The following ADM2 variants were observed in gnomAD, a reference collection of about 807,000 sequenced individuals.
ADM2 encodes adrenomedullin 2.
Under a neutral mutation model 7.1 loss-of-function variants are expected in ADM2, and 5 were observed. That is an observed-to-expected ratio of 0.71 (90% CI 0.37 to 1.49). ADM2 has a LOEUF of 1.49. ADM2 is among the 40% of genes most tolerant of loss of function. The pLI, the probability that ADM2 is intolerant of heterozygous loss-of-function variation, is 0.03. For synonymous variants in ADM2, 123 were observed against 92.8 expected (o/e 1.33, Z -1.87); for missense variants, 236 against 211.2 (o/e 1.12, Z -0.73).
rs1416394890 is a variant in ADM2 at position 50,483,226 on chromosome 22, A to C, written c.*323A>C. The C allele has an allele frequency of 3.5e-6, 2 of 569,712 alleles. No individual in the cohort carries two copies. Among genetic ancestry groups the C allele is most frequent in the Admixed American group, 4.4e-5 (2 of 45,786 alleles). 35.3% of individuals were successfully genotyped at this position (569,712 alleles called of 1,614,324 possible). A position where few individuals can be genotyped will look rare whatever the true frequency, so the allele number is the denominator to read the frequency against. On this transcript the variant is annotated 3_prime_UTR_variant, in exon 3 of 3. Coordinates refer to ENST00000395737, the MANE Select transcript of ADM2 (RefSeq NM_001253845.2). ...GGAGCAGAAGCTGGGCCCTGAACAC[A>C]CGGGGCCATGTCTGGACGAGCAGGG...
chr22:50,482,878 C>T lies in ADM2; in HGVS notation c.422C>T (p.Pro141Leu). ...CGGCAGGACTCAGCTCCTGTGGACC[C>T]CAGCAGCCCCCACAGCTATGGCTGA... is the stretch of plus-strand genomic sequence containing the variant. ...AGRQDSAPVD[P>L]SSPHSYG The change falls in exon 3 of 3, where the codon CCC (proline) becomes CTC (leucine). Residue 141 changes from proline (P) to leucine (L), a missense_variant. Coordinates refer to ENST00000395737, the MANE Select transcript of ADM2 (RefSeq NM_001253845.2). 1 of 1,602,138 alleles carries T rather than the reference C, an allele frequency of 6.2e-7. No individual in the cohort carries two copies. The highest frequency in any genetic ancestry group is 8.5e-7 in the Non-Finnish European group (1 of 1,178,008).
rs1014713369 is a variant in ADM2, at chr22:50,481,815, C to G, written c.-11-22C>G. 6 of 1,434,930 alleles carry G rather than the reference C, an allele frequency of 4.2e-6. No homozygotes were observed. The African/African-American group carries it at 9.0e-5, about 21-fold the overall frequency. The allele number at this position is 1,434,930 out of a possible 1,614,324, so 88.9% of individuals were successfully genotyped here. A position where few individuals can be genotyped will look rare whatever the true frequency, so the allele number is the denominator to read the frequency against. On this transcript the variant is annotated intron_variant, in intron 1 of 2. Coordinates refer to ENST00000395737, the MANE Select transcript of ADM2 (RefSeq NM_001253845.2). ...CTCAGGCTGCCCCCGACGTGCCCGG[C>G]TCACCGCCCCCTCCCCTGCAGCCCC... is the stretch of plus-strand genomic sequence containing the variant.
rs769476494 is a variant in ADM2, at chr22:50,483,049, C to G, written c.*146C>G. The G allele has an allele frequency of 6.7e-6, 9 of 1,342,574 alleles. No homozygotes were observed. The highest frequency in any genetic ancestry group is 3.6e-4 in the Middle Eastern group (2 of 5,632). The allele number at this position is 1,342,574 out of a possible 1,614,324, so 83.2% of individuals were successfully genotyped here. ...AACAATACCTGCACGGCTTTGCACA[C>G]GTAAACCTAGGCTGGTCTACACGCA... is the stretch of plus-strand genomic sequence containing the variant. On this transcript the variant is annotated 3_prime_UTR_variant, in exon 3 of 3. Coordinates refer to ENST00000395737, the MANE Select transcript of ADM2 (RefSeq NM_001253845.2).
chr22:50,481,625 G>A lies in ADM2; in HGVS notation c.-150G>A, dbSNP rs370122056. 13 of 212,652 alleles carry A rather than the reference G, an allele frequency of 6.1e-5. No homozygotes were observed. The East Asian group carries it at 8.6e-4, about 14-fold the overall frequency. 13.2% of individuals were successfully genotyped at this position (212,652 alleles called of 1,614,324 possible). On this transcript the variant is annotated 5_prime_UTR_variant, in exon 1 of 3. Coordinates refer to ENST00000395737, the MANE Select transcript of ADM2 (RefSeq NM_001253845.2). ...GCAGGACCCCCAACCCGCCCAGCCC[G>A]CTCCGCCTTGCGCCCCGGACCCGCG...
At position 50,481,828 on chromosome 22, in the gene ADM2, C is replaced by G; in HGVS notation, c.-11-9C>G. 1 of 1,475,176 alleles carries G rather than the reference C, an allele frequency of 6.8e-7. No individual in the cohort carries two copies. Among genetic ancestry groups the G allele is most frequent in the Non-Finnish European group, 8.9e-7 (1 of 1,117,502 alleles). 91.4% of individuals were successfully genotyped at this position (1,475,176 alleles called of 1,614,324 possible). A position where few individuals can be genotyped will look rare whatever the true frequency, so the allele number is the denominator to read the frequency against. On this transcript the variant is annotated splice_polypyrimidine_tract_variant and intron_variant, in intron 1 of 2. Coordinates refer to ENST00000395737, the MANE Select transcript of ADM2 (RefSeq NM_001253845.2). ...CGACGTGCCCGGCTCACCGCCCCCT[C>G]CCCTGCAGCCCCGCCCGCCATGGCC... is the stretch of plus-strand genomic sequence containing the variant.
rs1569515987 is a variant in ADM2, at chr22:50,482,985, G to A, written c.*82G>A. On this transcript the variant is annotated 3_prime_UTR_variant, in exon 3 of 3. Transcript: ENST00000395737. ...GAGCTGCAGCTGAGCCCCATCTGAA[G>A]CCCAGTCCCTCGGAGCTGCAGACAG... The A allele has an allele frequency of 5.2e-6, 8 of 1,535,080 alleles. No homozygotes were observed. In the East Asian group the frequency reaches 2.0e-4, roughly 38 times the overall value.
Position 50,482,764 on chromosome 22 carries a change from C to T in ADM2, c.308C>T (p.Ala103Val). Residue 103 changes from alanine to valine, a missense_variant, in exon 3 of 3, where the codon GCC (alanine) becomes GTC (valine). Coordinates refer to ENST00000395737, the MANE Select transcript of ADM2 (RefSeq NM_001253845.2). ...RRHSGPRRTQ[A>V]QLLRVGCVLG... ...CACTCGGGCCCCCGCAGGACCCAAG[C>T]CCAGCTCCTGCGAGTGGGCTGTGTG... 6.2e-7 allele frequency: 1 copy of T among 1,607,590 alleles called. No individual in the cohort carries two copies. The highest frequency in any genetic ancestry group is 8.5e-7 in the Non-Finnish European group (1 of 1,178,406).
rs2068217830 is a variant in ADM2 at position 50,483,019 on chromosome 22, G to A, written c.*116G>A. The A allele has an allele frequency of 6.7e-7, 1 of 1,484,146 alleles. No individual in the cohort carries two copies. Among genetic ancestry groups the A allele is most frequent in the Non-Finnish European group, 9.1e-7 (1 of 1,099,916 alleles). 91.9% of individuals were successfully genotyped at this position (1,484,146 alleles called of 1,614,324 possible). Reference sequence around the variant, plus strand: ...CTCGGAGCTGCAGACAGCAGGTCCTGCAGCAACAATACCTGCACGGCTTTG... The same window carrying A: ...CTCGGAGCTGCAGACAGCAGGTCCTACAGCAACAATACCTGCACGGCTTTG... On this transcript the variant is annotated 3_prime_UTR_variant, in exon 3 of 3. Transcript: ENST00000395737.
rs995165560 is a variant in ADM2 at position 50,482,680 on chromosome 22, C to T, written c.224C>T (p.Ala75Val). The T allele has an allele frequency of 2.5e-6, 4 of 1,596,640 alleles. No homozygotes were observed. Among genetic ancestry groups the T allele is most frequent in the Non-Finnish European group, 3.4e-6 (4 of 1,170,338 alleles). ...ALQAQRGAGL[A>V]PVMGQPLRDG... ...CAGGCACAGAGGGGTGCCGGCCTGG[C>T]CCCTGTTATGGGTCAGCCTCTCCGG... The change falls in exon 3 of 3, where the codon GCC (alanine) becomes GTC (valine). Residue 75 changes from alanine to valine, a missense_variant. Coordinates refer to ENST00000395737, the MANE Select transcript of ADM2 (RefSeq NM_001253845.2).
chr22:50,482,400 C>T (rs1007321159), intron 2 of ADM2, among the ~76,000 whole-genome samples, 167 bp from the exon 3 acceptor site: 2 of 152,134 alleles, frequency 1.3e-5, no homozygotes, highest in Admixed American at 6.5e-5. Context: ...AGGCCCAAGC[C>T]CAGAGGGGAC....
chr22:50,482,094 G>C, intron 2 of ADM2, 137 bp downstream of exon 2: 3 of 804,024 alleles, frequency 3.7e-6, no homozygotes, highest in South Asian at 3.7e-5. Context: ...CCCTACCCCA[G>C]GCTCAGGAGC....
chr22:50,483,104 C>G lies in ADM2; in HGVS notation c.*201C>G, dbSNP rs1264575137. On this transcript the variant is annotated 3_prime_UTR_variant, in exon 3 of 3. Transcript: ENST00000395737. Reference sequence around the variant, plus strand: ...TGGTACGTCAAGGAGCCTAAACACCCTGAAATTGTGACCCCCTGGGGGACA... The same window carrying G: ...TGGTACGTCAAGGAGCCTAAACACCGTGAAATTGTGACCCCCTGGGGGACA... 6 of 934,496 alleles carry G rather than the reference C, an allele frequency of 6.4e-6. No individual in the cohort carries two copies. Among genetic ancestry groups the G allele is most frequent in the African/African-American group, 1.6e-5 (1 of 61,418 alleles). The allele number at this position is 934,496 out of a possible 1,614,324, so 57.9% of individuals were successfully genotyped here. A position where few individuals can be genotyped will look rare whatever the true frequency, so the allele number is the denominator to read the frequency against.
At position 50,483,129 on chromosome 22, in the gene ADM2, A is replaced by C. The variant is rs1409672953; in HGVS notation, c.*226A>C. 1 of 775,526 alleles carries C rather than the reference A, an allele frequency of 1.3e-6. No homozygotes were observed. Among genetic ancestry groups the C allele is most frequent in the African/African-American group, 1.7e-5 (1 of 58,524 alleles). 48.0% of individuals were successfully genotyped at this position (775,526 alleles called of 1,614,324 possible). ...CTGAAATTGTGACCCCCTGGGGGAC[A>C]GCTGCCAGACACAGCTGGCGGCAGC... On this transcript the variant is annotated 3_prime_UTR_variant, in exon 3 of 3. Transcript: ENST00000395737.
intron 2 of ADM2, 31 bp from the exon 3 acceptor site, chr22:50,482,536 T>G: frequency 6.9e-7 from 1 of 1,447,110 alleles, no homozygotes; most frequent in Non-Finnish European, 9.1e-7. Context: ...GGCTGAGCCA[T>G]CTGGTTGACA....
At position 50,485,970 on chromosome 22, in the gene ADM2, G is replaced by A. The variant is rs921534796; in HGVS notation, c.*3067G>A. The A allele has an allele frequency of 3.9e-5, 6 of 152,392 alleles. No homozygotes were observed. The highest frequency in any genetic ancestry group is 1.4e-4 in the African/African-American group (6 of 41,550). 9.4% of individuals were successfully genotyped at this position (152,392 alleles called of 1,614,324 possible). A position where few individuals can be genotyped will look rare whatever the true frequency, so the allele number is the denominator to read the frequency against. Reference sequence around the variant, plus strand: ...TCTCACGGTGTCCTCCATGCCTGCAGGGCCCATGCATGGGAAGTTGCGTTG... The same window carrying A: ...TCTCACGGTGTCCTCCATGCCTGCAAGGCCCATGCATGGGAAGTTGCGTTG... On this transcript the variant is annotated 3_prime_UTR_variant, in exon 3 of 3. Coordinates refer to ENST00000395737, the MANE Select transcript of ADM2 (RefSeq NM_001253845.2).
At chr22:50,482,051 C>T (rs1358649702) in intron 2 of ADM2, 94 bp downstream of exon 2, 2 of 1,178,514 alleles carry the variant, frequency 1.7e-6, no homozygotes, top group Non-Finnish European at 2.4e-6. Flanking sequence ...CACGCCTCCA[C>T]CTGCTGCTAG....
At chr22:50,482,073 C>A (rs1380198448) in intron 2 of ADM2, 116 bp downstream of exon 2, 2 of 961,496 alleles carry the variant, frequency 2.1e-6, no homozygotes, top group South Asian at 1.6e-5. Flanking sequence ...ACTCCCCTCC[C>A]AAACAAAGGC....
Position 50,482,719 on chromosome 22 carries a change from A to AACACTCGGGCCCCCGAAG in ADM2, c.279_296dup (p.His95_Arg100dup), listed in dbSNP as rs3840963. The AACACTCGGGCCCCCGAAG allele has an allele frequency of 1.2e-5, 20 of 1,605,352 alleles. No individual in the cohort carries two copies. The highest frequency in any genetic ancestry group is 1.4e-5 in the Non-Finnish European group (16 of 1,176,130). Reference sequence around the variant, plus strand: ...CAGCCTCTCCGGGATGGTGGCCGCCAACACTCGGGCCCCCGAAGACACTCG... The same window carrying AACACTCGGGCCCCCGAAG: ...CAGCCTCTCCGGGATGGTGGCCGCCAACACTCGGGCCCCCGAAGACACTCGGGCCCCCGAAGACACTCG... On this transcript the variant is annotated inframe_insertion, in exon 3 of 3. Transcript: ENST00000395737.
rs750720500 is a variant in ADM2 at position 50,483,099 on chromosome 22, A to G, written c.*196A>G. On this transcript the variant is annotated 3_prime_UTR_variant, in exon 3 of 3. Coordinates refer to ENST00000395737, the MANE Select transcript of ADM2 (RefSeq NM_001253845.2). ...AGTGCTGGTACGTCAAGGAGCCTAA[A>G]CACCCTGAAATTGTGACCCCCTGGG... The G allele has an allele frequency of 2.4e-4, 229 of 960,796 alleles. 3 individuals are homozygous for G. In the South Asian group the frequency reaches 3.1e-3, roughly 13 times the overall value. The allele number at this position is 960,796 out of a possible 1,614,324, so 59.5% of individuals were successfully genotyped here.
Sources: gnomAD v4.1 joint callset for allele counts (sites outside exome capture counted in the v4.1 genomes callset) on GRCh38, gnomAD v4.1.1 for gene constraint, MANE v1.5 for transcripts, NCBI Gene and HGNC (gene_info 2026-07-23, HGNC 2026-07-21) for gene names.